The following SEMA6D variants were observed in gnomAD, a reference collection of about 807,000 sequenced individuals.
SEMA6D encodes the protein semaphorin 6D.
Under a neutral mutation model 106.6 loss-of-function variants are expected in SEMA6D, and 35 were observed. The ratio of observed to expected loss-of-function variants is 0.33; its 90% CI spans 0.25 to 0.44. SEMA6D has a LOEUF of 0.44. Among genes scored for constraint, SEMA6D ranks in the 20% least tolerant of loss-of-function variants. SEMA6D has a pLI of 1.00. For synonymous variants in SEMA6D, 499 were observed against 487.7 expected, an observed-to-expected ratio of 1.02 and a Z score of -0.31; for missense variants, 1,185 against 1,345.9, an observed-to-expected ratio of 0.88 and a Z score of 1.87.
intron 4 of SEMA6D, among the ~76,000 whole-genome samples, chr15:47,656,428 A>G (rs1037100154): frequency 6.6e-6 from 1 of 152,248 alleles, no homozygotes; most frequent in Non-Finnish European, 1.5e-5. Flanking sequence ...TACCTGGCAT[A>G]TAATTCTTAG....
intron 2 of SEMA6D, among the ~76,000 whole-genome samples, chr15:47,452,315 T>C (rs1257971979): frequency 6.8e-6 from 1 of 147,684 alleles, no homozygotes; most frequent in Admixed American, 6.8e-5. Context: ...GGTGTGTTTA[T>C]CAACCAAAAA....
At chr15:47,214,292 G>A (rs1030413221) in intron 1 of SEMA6D, among the ~76,000 whole-genome samples, 3 of 152,138 alleles carry the variant, frequency 2.0e-5, no homozygotes, top group African/African-American at 7.2e-5. Flanking sequence ...CTTGTTGACA[G>A]AGAGAAGGGA....
rs79712787 is a variant in SEMA6D, at chr15:47,190,517, A to T, written c.-239+6099A>T. On this transcript the variant is annotated intron_variant, in intron 1 of 19. Coordinates refer to the SEMA6D transcript ENST00000558014. ...GAATTACAATGTATCTGCAATTCCC[A>T]TACTATGTTATTAGCTCCAAGTTTG... is the stretch of plus-strand genomic sequence containing the variant. Among the ~76,000 whole-genome samples, 766 of 152,304 alleles carry T rather than the reference A, an allele frequency of 5.0e-3. 10 individuals are homozygous for T. The highest frequency in any genetic ancestry group is 0.018 in the African/African-American group (730 of 41,566).
rs558568464 is a variant in SEMA6D at position 47,507,348 on chromosome 15, C to G, written c.-87+36803C>G. ...GGCTCTCAAGTGGGACACCCCCCCC[C>G]ACCCCCCCGGGCCTTATATTCCTTG... On this transcript the variant is annotated intron_variant, in intron 3 of 19. Transcript: ENST00000558014. 7.7e-5 allele frequency among the ~76,000 whole-genome samples: 10 copies of G among 129,894 alleles called. No individual in the cohort carries two copies. In the South Asian group the frequency reaches 1.3e-3, roughly 17 times the overall value. The allele number at this position is 129,894 out of a possible 152,430, so 85.2% of individuals were successfully genotyped here.
At chr15:47,507,113 G>A (rs906597427) in intron 3 of SEMA6D, among the ~76,000 whole-genome samples, 3 of 152,166 alleles carry the variant, frequency 2.0e-5, no homozygotes, top group African/African-American at 4.8e-5. Context: ...GCATTACAGG[G>A]ATTATGGAGC....
At chr15:47,633,046 C>T (rs184634180) in intron 4 of SEMA6D, among the ~76,000 whole-genome samples, 1 of 152,146 alleles carries the variant, frequency 6.6e-6, no homozygotes, top group East Asian at 1.9e-4. Context: ...GGTTCCTTTA[C>T]CCTCTCCACT....
chr15:47,283,823 C>G (rs2035240685), intron 1 of SEMA6D, among the ~76,000 whole-genome samples: 1 of 152,226 alleles, frequency 6.6e-6, no homozygotes, highest in Non-Finnish European at 1.5e-5. Flanking sequence ...ACAGGCAAAC[C>G]ATTCACAGAC....
At chr15:47,560,523 A>G (rs1190282188) in intron 3 of SEMA6D, among the ~76,000 whole-genome samples, 1 of 152,094 alleles carries the variant, frequency 6.6e-6, no homozygotes, top group African/African-American at 2.4e-5. Context: ...TCTGAAGAAC[A>G]GAGAAAGAAA....
chr15:47,572,720 G>A (rs1397654710), intron 3 of SEMA6D, among the ~76,000 whole-genome samples: 1 of 152,236 alleles, frequency 6.6e-6, no homozygotes, highest in East Asian at 1.9e-4. Context: ...AACACAGAAT[G>A]TGTACTACTG....
At chr15:47,719,816 G>A (rs753226720) in intron 1 of SEMA6D, among the ~76,000 whole-genome samples, 6 of 152,164 alleles carry the variant, frequency 3.9e-5, no homozygotes, top group Non-Finnish European at 5.9e-5. Flanking sequence ...TACTCTCTTA[G>A]GTGTCTAACT....
At chr15:47,525,801 G>T (rs965301492) in intron 3 of SEMA6D, among the ~76,000 whole-genome samples, 3 of 152,202 alleles carry the variant, frequency 2.0e-5, no homozygotes, top group African/African-American at 7.2e-5. Context: ...AGGGAGCCTT[G>T]CAGGGGTCTC....
chr15:47,251,981 T>C (rs1390970223), intron 1 of SEMA6D, among the ~76,000 whole-genome samples: 1 of 138,276 alleles, frequency 7.2e-6, no homozygotes, highest in African/African-American at 2.7e-5. Flanking sequence ...AGTGGCGCGA[T>C]CTCGGCTCAC....
intron 1 of SEMA6D, among the ~76,000 whole-genome samples, chr15:47,299,491 A>G (rs1342294197): frequency 6.6e-6 from 1 of 152,208 alleles, no homozygotes; most frequent in Non-Finnish European, 1.5e-5. Context: ...AGTAAAGCTG[A>G]TCTGCTCGGC....
chr15:47,509,214 G>A (rs997043918), intron 3 of SEMA6D, among the ~76,000 whole-genome samples: 3 of 152,036 alleles, frequency 2.0e-5, no homozygotes, highest in African/African-American at 7.2e-5. Flanking sequence ...GCTAAATTCT[G>A]GTGTACCTGT....
At chr15:47,557,187 C>T (rs1043572792) in intron 3 of SEMA6D, among the ~76,000 whole-genome samples, 1 of 152,128 alleles carries the variant, frequency 6.6e-6, no homozygotes, top group Non-Finnish European at 1.5e-5. Flanking sequence ...GGAAACTCAA[C>T]AGTCACTTCA....
chr15:47,387,021 C>A (rs1201451005), intron 1 of SEMA6D, among the ~76,000 whole-genome samples: 1 of 119,704 alleles, frequency 8.4e-6, no homozygotes, highest in East Asian at 2.3e-4. Context: ...TGCTTCACTG[C>A]ACGGGCCCTG....
At chr15:47,281,554 A>G (rs1393564384) in intron 1 of SEMA6D, among the ~76,000 whole-genome samples, 1 of 151,646 alleles carries the variant, frequency 6.6e-6, no homozygotes, top group Non-Finnish European at 1.5e-5. Flanking sequence ...GTTATGTGTG[A>G]ATTTGATCCT....
chr15:47,517,029 T>G (rs2044409829), intron 3 of SEMA6D, among the ~76,000 whole-genome samples: 1 of 152,032 alleles, frequency 6.6e-6, no homozygotes, highest in South Asian at 2.1e-4. Context: ...TTTTCAGGAG[T>G]CAGTGCTACT....
Position 47,383,755 on chromosome 15 carries a change from G to A in SEMA6D, c.-238-28638G>A, listed in dbSNP as rs140899976. 3.3e-5 allele frequency among the ~76,000 whole-genome samples: 5 copies of A among 152,248 alleles called. No homozygotes were observed. In the East Asian group the frequency reaches 9.7e-4, roughly 29 times the overall value. On this transcript the variant is annotated intron_variant, in intron 1 of 19. Coordinates refer to the SEMA6D transcript ENST00000558014. ...ATTGAAGCTAGAGAGGTCAGCTAGT[G>A]GCCCAGATTGACATATCAAGGAATA...
Sources: gnomAD v4.1 joint callset for allele counts (sites outside exome capture counted in the v4.1 genomes callset) on GRCh38, gnomAD v4.1.1 for gene constraint, MANE v1.5 for transcripts, NCBI Gene and HGNC (gene_info 2026-07-23, HGNC 2026-07-21) for gene names.